The following FCGR1A variants were observed in gnomAD, a reference collection of about 807,000 sequenced individuals.
FCGR1A encodes the protein high affinity immunoglobulin gamma Fc receptor I.
In FCGR1A, 13 loss-of-function variants were observed where a neutral mutation model predicts 35.0. That is an observed-to-expected ratio of 0.37 (90% CI 0.24 to 0.59). The LOEUF (loss-of-function observed/expected upper bound fraction) is 0.59, where lower values mean the gene tolerates loss of function less well. Ranked by LOEUF, FCGR1A falls within the 20% of genes least tolerant of loss-of-function variation. The pLI, the probability that FCGR1A is intolerant of heterozygous loss-of-function variation, is 0.71. For synonymous variants in FCGR1A, 91 were observed against 164.7 expected (o/e 0.55, Z 3.43); for missense variants, 227 against 430.0 (o/e 0.53, Z 4.17).
chr1:149,786,170 T>C (rs2091544329), intron 3 of FCGR1A: 1 of 152,198 alleles, frequency 6.6e-6, no homozygotes, highest in African/African-American at 2.4e-5. Context: ...CTTTTGGATA[T>C]ACAAATGCAA....
rs1553751853 is a variant in FCGR1A at position 149,791,372 on chromosome 1, T to A, written c.980T>A (p.Ile327Asn). 2 of 1,581,536 alleles carry A rather than the reference T, an allele frequency of 1.3e-6. No individual in the cohort carries two copies. Among genetic ancestry groups the A allele is most frequent in the South Asian group, 2.2e-5 (2 of 89,648 alleles). Residue 327 changes from isoleucine to asparagine, a missense_variant, in exon 6 of 6, where the codon ATC becomes AAC. Coordinates refer to ENST00000369168, the MANE Select transcript of FCGR1A (RefSeq NM_000566.4). ...AGAAAGAAAAAGTGGGATTTAGAAA[T>A]CTCTTTGGATTCTGGTCATGAGAAG... The part of the protein sequence containing the change: ...LKRKKKWDLE[I>N]SLDSGHEKKV...
chr1:149,792,936 A>C, downstream of FCGR1A: 1 of 1,272,886 alleles, frequency 7.9e-7, no homozygotes, highest in Non-Finnish European at 1.0e-6. Context: ...GGCAGGTGTG[A>C]AAACCCGGCG....
At position 149,786,418 on chromosome 1, in the gene FCGR1A, T is replaced by G. The variant is rs2091551246; in HGVS notation, c.308-1948T>G. 3 of 152,244 alleles carry G rather than the reference T, an allele frequency of 2.0e-5. No homozygotes were observed. In the South Asian group the frequency reaches 6.2e-4, roughly 31 times the overall value. 9.4% of individuals were successfully genotyped at this position (152,244 alleles called of 1,614,324 possible). ...ATATTAAAGTTTTGTTTGTTTTCAA[T>G]GAACAAGACTTGTTAATTTTACTAC... On this transcript the variant is annotated intron_variant, in intron 3 of 5. Transcript: ENST00000369168.
At chr1:149,786,422 C>T (rs1321027108) in intron 3 of FCGR1A, 3 of 152,148 alleles carry the variant, frequency 2.0e-5, no homozygotes, top group Non-Finnish European at 4.4e-5. Context: ...TTTCAATGAA[C>T]AAGACTTGTT....
chr1:149,796,768 C>T, the FCGR1A span, among the ~76,000 whole-genome samples: 1 of 152,182 alleles, frequency 6.6e-6, no homozygotes, highest in Non-Finnish European at 1.5e-5. Flanking sequence ...TGCTTATTTA[C>T]CTTTCATGGG....
At chr1:149,785,202 C>T (rs1377870375) in intron 3 of FCGR1A, among the ~76,000 whole-genome samples, 29 of 152,068 alleles carry the variant, frequency 1.9e-4, no homozygotes, top group African/African-American at 6.8e-4. Context: ...GTTTAAACTT[C>T]GTTAAAAATG....
chr1:149,791,630 G>C lies in FCGR1A; in HGVS notation c.*113G>C. ...ACAACACCAGAACTGTGTGTCTCAT[G>C]GTATGTAACTCTTAAAGCAAATAAA... On this transcript the variant is annotated 3_prime_UTR_variant, in exon 6 of 6. Transcript: ENST00000369168. 9 of 1,519,714 alleles carry C rather than the reference G, an allele frequency of 5.9e-6. No individual in the cohort carries two copies. Among genetic ancestry groups the C allele is most frequent in the Non-Finnish European group, 7.0e-6 (8 of 1,134,978 alleles). 94.1% of individuals were successfully genotyped at this position (1,519,714 alleles called of 1,614,324 possible).
the FCGR1A span, among the ~76,000 whole-genome samples, chr1:149,799,460 G>A: frequency 6.4e-4 from 97 of 152,144 alleles, no homozygotes; most frequent in Non-Finnish European, 1.1e-3. Context: ...ATGTATGTAT[G>A]CATTTAGATC....
intron 5 of FCGR1A, among the ~76,000 whole-genome samples, chr1:149,790,969 G>T (rs1203434763): frequency 6.6e-6 from 1 of 151,470 alleles, no homozygotes; most frequent in African/African-American, 2.4e-5. Context: ...GTATTAAATG[G>T]CACAGAGATA....
chr1:149,793,276 G>A, downstream of FCGR1A: 3 of 1,214,178 alleles, frequency 2.5e-6, no homozygotes, highest in Non-Finnish European at 3.1e-6. Flanking sequence ...GGGAGTGGGA[G>A]AGGCCGCCCG....
chr1:149,791,121 G>A, intron 5 of FCGR1A, 116 bp from the exon 6 acceptor site: 1 of 1,466,222 alleles, frequency 6.8e-7, no homozygotes. Context: ...AATGACCAGT[G>A]CCTCCCTGAG....
chr1:149,785,476 G>C (rs1407205616), intron 3 of FCGR1A, among the ~76,000 whole-genome samples: 1 of 143,772 alleles, frequency 7.0e-6, no homozygotes, highest in Non-Finnish European at 1.5e-5. Context: ...GAATGCAGTG[G>C]TGTGATCTTG....
At chr1:149,785,666 T>G (rs2091529797) in intron 3 of FCGR1A, 1 of 152,146 alleles carries the variant, frequency 6.6e-6, no homozygotes, top group Admixed American at 6.5e-5. Flanking sequence ...ATATCTTTTT[T>G]ATATTACATT....
Position 149,787,326 on chromosome 1 carries a change from T to C in FCGR1A, c.308-1040T>C, listed in dbSNP as rs1317884491. 12 of 152,336 alleles carry C rather than the reference T, an allele frequency of 7.9e-5. No individual in the cohort carries two copies. In the East Asian group the frequency reaches 9.6e-4, roughly 12 times the overall value. The allele number at this position is 152,336 out of a possible 1,614,324, so 9.4% of individuals were successfully genotyped here. On this transcript the variant is annotated intron_variant, in intron 3 of 5. Transcript: ENST00000369168. The stretch of plus-strand genomic sequence containing the variant: ...CCGCCTTAGTCTCCTAAGAACCCCA[T>C]TTTTACTTAGCCAAACCAACTGCCT...
Position 149,791,505 on chromosome 1 carries a change from G to A in FCGR1A, c.1113G>A (p.Gln371=), listed in dbSNP as rs1553751919. 1.2e-6 allele frequency: 2 copies of A among 1,610,120 alleles called. No individual in the cohort carries two copies. The highest frequency in any genetic ancestry group is 1.1e-5 in the South Asian group (1 of 90,802). Reference sequence around the variant, plus strand: ...AAGGGGTGCACCGGAAGGAGCCCCAGGGGGCCACGTAGCAGCGGCTCAGTG... The same window carrying A: ...AAGGGGTGCACCGGAAGGAGCCCCAAGGGGCCACGTAGCAGCGGCTCAGTG... ...LQEGVHRKEP[Q]GAT is the part of the protein sequence containing the mutation. The change falls in exon 6 of 6, where the codon CAG becomes CAA. Residue 371 remains glutamine, a synonymous_variant. Transcript: ENST00000369168.
downstream of FCGR1A, chr1:149,792,701 G>A (rs1362115922): frequency 2.3e-6 from 3 of 1,282,982 alleles, no homozygotes; most frequent in East Asian, 1.7e-4. Context: ...TGCGGCGAAA[G>A]CTGTTGGGCG....
downstream of FCGR1A, among the ~76,000 whole-genome samples, chr1:149,796,362 A>T (rs1207851783): frequency 6.6e-6 from 1 of 152,210 alleles, no homozygotes; most frequent in Non-Finnish European, 1.5e-5. Flanking sequence ...TCGAGAAGTA[A>T]ATTAAATTCC....
intron 3 of FCGR1A, chr1:149,787,542 G>C (rs1271380067): frequency 6.6e-6 from 1 of 152,344 alleles, no homozygotes; most frequent in African/African-American, 2.4e-5. Flanking sequence ...CTTAGGATGC[G>C]TGGTCCTATT....
chr1:149,786,979 A>C (rs1220330120), intron 3 of FCGR1A: 1 of 152,200 alleles, frequency 6.6e-6, no homozygotes, highest in Non-Finnish European at 1.5e-5. Context: ...TCTAAAGTAG[A>C]GCATCCACAA....
Sources: gnomAD v4.1 joint callset for allele counts (sites outside exome capture counted in the v4.1 genomes callset) on GRCh38, gnomAD v4.1.1 for gene constraint, MANE v1.5 for transcripts, NCBI Gene and HGNC (gene_info 2026-07-23, HGNC 2026-07-21) for gene names.